Variants in ZNF133 observed in about 807,000 individuals in gnomAD.
The protein encoded by ZNF133 is zinc finger protein 133 (clone pHZ-13).
A neutral mutation model predicts 54.9 loss-of-function variants in ZNF133; 26 were observed. The observed-to-expected ratio is 0.47, with a 90% CI of 0.35 to 0.66. The LOEUF (loss-of-function observed/expected upper bound fraction) is 0.66, where lower values mean the gene tolerates loss of function less well. ZNF133 is among the 30% of genes least tolerant of loss of function. ZNF133 has a pLI of 0.01. For missense variants in ZNF133, 653 were observed against 820.8 expected, an observed-to-expected ratio of 0.80 and a Z score of 2.50; for synonymous variants, 298 against 320.3, an observed-to-expected ratio of 0.93 and a Z score of 0.74.
At chr20:18,290,246 T>C (rs2040644068) in intron 1 of ZNF133, among the ~76,000 whole-genome samples, 1 of 152,226 alleles carries the variant, frequency 6.6e-6, no homozygotes, top group Non-Finnish European at 1.5e-5. Flanking sequence ...TTTTCAGAGC[T>C]GATGCTCTCA....
At position 18,316,353 on chromosome 20, in the gene ZNF133, G is replaced by A. The variant is rs780570669; in HGVS notation, c.1502G>A (p.Arg501Gln). 3.1e-6 allele frequency: 5 copies of A among 1,613,208 alleles called. No homozygotes were observed. The highest frequency in any genetic ancestry group is 4.2e-6 in the Non-Finnish European group (5 of 1,179,792). The change falls in exon 7 of 7, where the codon CGA becomes CAA. Residue 501 changes from arginine (R) to glutamine (Q), a missense_variant. Around this residue, in one of 4 missense-constraint regions of ZNF133, gnomAD observed 292 missense variants for 431.6 expected, o/e 0.68. Transcript: ENST00000425686. ...EKPMVCGECG[R>Q]GFSQKSNLVA... ...CCCATGGTGTGTGGGGAGTGCGGGC[G>A]AGGCTTCAGCCAGAAGTCAAACCTT...
chr20:18,310,900 T>C lies in ZNF133; in HGVS notation c.218-4169T>C, dbSNP rs1272944343. Among the ~76,000 whole-genome samples, 3 of 152,248 alleles carry C rather than the reference T, an allele frequency of 2.0e-5. No individual in the cohort carries two copies. The East Asian group carries it at 5.8e-4, about 29-fold the overall frequency. ...TTTTGTCAATTTAAAAATTAATTAG[T>C]TTTTTAAAAGTAACAGGAGTTACCA... On this transcript the variant is annotated intron_variant, in intron 6 of 6. Coordinates refer to ENST00000425686, the MANE Select transcript of ZNF133 (RefSeq NM_001352452.2).
rs755489447 is a variant in ZNF133, at chr20:18,316,559, C to T, written c.1708C>T (p.Arg570Trp). The change falls in exon 7 of 7, where the codon CGG becomes TGG. Residue 570 changes from arginine (R) to tryptophan (W), a missense_variant. Physicochemically the swap from Arg to Trp is moderately radical, Grantham distance 101 (BLOSUM62 -3). This residue lies in a region of ZNF133 where 129 missense variants were observed against 138.5 expected (regional missense o/e 0.93). Coordinates refer to ENST00000425686, the MANE Select transcript of ZNF133 (RefSeq NM_001352452.2). ...TAAGTCAGCTCTAATTACACACAAGCGGGCTCACTCGGAAGAGAAGCCTTG... is the reference window on the plus strand; with the variant it reads ...TAAGTCAGCTCTAATTACACACAAGTGGGCTCACTCGGAAGAGAAGCCTTG... The part of the protein sequence containing the change: ...GNKSALITHK[R>W]AHSEEKPCVC... 50 of 1,613,964 alleles carry T rather than the reference C, an allele frequency of 3.1e-5. No individual in the cohort carries two copies. The highest frequency in any genetic ancestry group is 3.6e-5 in the Non-Finnish European group (43 of 1,179,972).
At chr20:18,298,150 A>C in intron 2 of ZNF133, 88 bp downstream of exon 2, 1 of 1,527,410 alleles carries the variant, frequency 6.5e-7, no homozygotes, top group Non-Finnish European at 8.8e-7. Flanking sequence ...TGCCTAGTAG[A>C]GTTCAGCTCC....
In ZNF133 at chr20:18,304,943, A is replaced by G. The variant is rs1048965949; in HGVS notation, c.-177-65A>G. 4.2e-6 allele frequency: 4 copies of G among 947,810 alleles called. No individual in the cohort carries two copies. The African/African-American group carries it at 7.1e-5, about 17-fold the overall frequency. The allele number at this position is 947,810 out of a possible 1,614,324, so 58.7% of individuals were successfully genotyped here. On this transcript the variant is annotated intron_variant, in intron 3 of 6. Coordinates refer to ENST00000425686, the MANE Select transcript of ZNF133 (RefSeq NM_001352452.2). ...GCACTTTCTTCTTCCCTTGATTCCA[A>G]CCCATTCTCCAAGACCAAGTTGCCA...
intron 3 of ZNF133, 116 bp from the exon 4 acceptor site, chr20:18,304,892 C>G (rs1328965208): frequency 1.5e-6 from 1 of 659,928 alleles, no homozygotes; most frequent in Non-Finnish European, 1.9e-6. Context: ...GTCCCTGCTC[C>G]CCACATGCCT....
In ZNF133 at chr20:18,297,987, C is replaced by G; in HGVS notation, c.-429C>G. The G allele has an allele frequency of 6.5e-7, 1 of 1,528,732 alleles. No homozygotes were observed. The highest frequency in any genetic ancestry group is 8.8e-7 in the Non-Finnish European group (1 of 1,140,768). 94.7% of individuals were successfully genotyped at this position (1,528,732 alleles called of 1,614,324 possible). ...CCATTTCTGTTTTCCTTACCCAGAT[C>G]TACCTTCTGAGATATCATCCTTCTT... On this transcript the variant is annotated splice_region_variant and 5_prime_UTR_variant, in exon 2 of 7. In the 5' UTR this introduces an upstream ATG that the reference lacks. Transcript: ENST00000425686.
intron 6 of ZNF133, among the ~76,000 whole-genome samples, chr20:18,310,939 T>C (rs1296007484): frequency 1.3e-5 from 2 of 152,178 alleles, no homozygotes; most frequent in Non-Finnish European, 2.9e-5. Context: ...TTATGAAGAA[T>C]TATATGCCCT....
At chr20:18,292,347 C>T (rs998715508) in intron 1 of ZNF133, among the ~76,000 whole-genome samples, 3 of 152,226 alleles carry the variant, frequency 2.0e-5, no homozygotes, top group Non-Finnish European at 4.4e-5. Flanking sequence ...GATGTCCCTA[C>T]ATTTACTCTT....
chr20:18,288,704 G>T (rs923855165), intron 1 of ZNF133, 100 bp downstream of exon 1: 2 of 398,400 alleles, frequency 5.0e-6, no homozygotes, highest in Non-Finnish European at 8.8e-6. Context: ...TTTGGGGACC[G>T]TGCGGGTGGC....
In ZNF133 at chr20:18,305,470, G is replaced by C. The variant is rs1302305602; in HGVS notation, c.-6-211G>C. Among the ~76,000 whole-genome samples, 5 of 152,096 alleles carry C rather than the reference G, an allele frequency of 3.3e-5. No homozygotes were observed. The highest frequency in any genetic ancestry group is 7.4e-5 in the Non-Finnish European group (5 of 68,022). ...ACTCCATTTTGTGCACATATACCCT[G>C]TGTGGCCCCCCAGGATCTTGACTGT... On this transcript the variant is annotated intron_variant, in intron 4 of 6. Coordinates refer to ENST00000425686, the MANE Select transcript of ZNF133 (RefSeq NM_001352452.2). The surrounding 1 kb of genome is among the most constrained non-coding windows in gnomAD (Gnocchi z 4.7).
intron 6 of ZNF133, chr20:18,306,815 CTG>C: frequency 1.7e-6 from 2 of 1,172,116 alleles, no homozygotes; most frequent in East Asian, 6.0e-5. Context: ...CTAAAAAAAA[CTG>C]TGAGCTATTC....
chr20:18,305,877 T>A lies in ZNF133; in HGVS notation c.121+70T>A. The A allele has an allele frequency of 6.5e-7, 1 of 1,546,606 alleles. No homozygotes were observed. Among genetic ancestry groups the A allele is most frequent in the Admixed American group, 2.0e-5 (1 of 49,646 alleles). On this transcript the variant is annotated intron_variant, in intron 5 of 6. Transcript: ENST00000425686. This position sits in a 1 kb window ranked among gnomAD's most constrained non-coding sequence, Gnocchi z 4.7. ...TTTTAGGCTATGCTTGAAGCAGCCA[T>A]CTTGCTTTGTTACTTGACCTTTGGG...
intron 1 of ZNF133, among the ~76,000 whole-genome samples, chr20:18,297,706 C>T (rs2042527460): frequency 6.6e-6 from 1 of 152,076 alleles, no homozygotes; most frequent in Non-Finnish European, 1.5e-5. Flanking sequence ...AGTACAGTTT[C>T]TTTACTGGAT....
Position 18,294,255 on chromosome 20 carries a change from G to A in ZNF133, c.-431-3730G>A, listed in dbSNP as rs541492970. On this transcript the variant is annotated intron_variant, in intron 1 of 6. Coordinates refer to ENST00000425686, the MANE Select transcript of ZNF133 (RefSeq NM_001352452.2). ...TATTCTAACCAGAAGTGAAAAACTC[G>A]TTCTAATCATGAAAAAACATCGGAC... 1.1e-4 allele frequency among the ~76,000 whole-genome samples: 17 copies of A among 152,182 alleles called. No individual in the cohort carries two copies. In the East Asian group the frequency reaches 2.5e-3, roughly 22 times the overall value.
rs2047254641 is a variant in ZNF133 at position 18,315,526 on chromosome 20, G to A, written c.675G>A (p.Lys225=). The change falls in exon 7 of 7, where the codon AAG becomes AAA. Residue 225 remains lysine (K), a synonymous_variant. Transcript: ENST00000425686. ...GAGAGTGTGGACTGAGCTTCAGCAA[G>A]ATGACAAACCTGCTCAGTCACCAGC... is the stretch of plus-strand genomic sequence containing the variant. ...NCGECGLSFS[K]MTNLLSHQRI... 2.5e-6 allele frequency: 4 copies of A among 1,614,222 alleles called. No homozygotes were observed. In the East Asian group the frequency reaches 8.9e-5, roughly 36 times the overall value.
chr20:18,298,178 C>T, intron 2 of ZNF133, 111 bp from the exon 3 acceptor site: 2 of 1,519,444 alleles, frequency 1.3e-6, no homozygotes, highest in Non-Finnish European at 1.8e-6. Context: ...CTTACTTGCT[C>T]CCCTGCCTCA....
intron 3 of ZNF133, among the ~76,000 whole-genome samples, chr20:18,298,955 TAAAAAC>T (rs2042800788): frequency 6.6e-6 from 1 of 151,928 alleles, no homozygotes; most frequent in African/African-American, 2.4e-5. Flanking sequence ...ACATCAATAT[TAAAAAC>T]AAAACAAAAC....
rs1450191223 is a variant in ZNF133 at position 18,298,064 on chromosome 20, T to C, written c.-354+2T>C. 13 of 1,535,246 alleles carry C rather than the reference T, an allele frequency of 8.5e-6. No homozygotes were observed. The highest frequency in any genetic ancestry group is 1.1e-5 in the Non-Finnish European group (13 of 1,146,726). On this transcript the variant is annotated splice_donor_variant, in intron 2 of 6. Coordinates refer to ENST00000425686, the MANE Select transcript of ZNF133 (RefSeq NM_001352452.2). LOFTEE classifies it low-confidence loss of function (5UTR_SPLICE). ...GGGTCCCGGAGAGCCAGGGGAATGG[T>C]GAGTGTTTCCTGTCTCCATTACTGG...
Sources: gnomAD v4.1 joint callset for allele counts (sites outside exome capture counted in the v4.1 genomes callset) on GRCh38, gnomAD v4.1.1 for gene constraint, gnomAD v4.1.1 regional missense constraint, Gnocchi (gnomAD v3.1) non-coding constraint, MANE v1.5 for transcripts, NCBI Gene and HGNC (gene_info 2026-07-23, HGNC 2026-07-21) for gene names.